The following PNKD variants were observed in gnomAD, a reference collection of about 807,000 sequenced individuals.
The protein encoded by PNKD is PNKD metallo-beta-lactamase domain containing, also known as probable thioesterase PNKD.
In PNKD, 36 loss-of-function variants were observed where a neutral mutation model predicts 45.3. The observed-to-expected ratio is 0.80, with a 90% CI of 0.61 to 1.05. The LOEUF (loss-of-function observed/expected upper bound fraction) is 1.05. PNKD is among the 50% of genes least tolerant of loss of function. PNKD has a pLI of 0.00. For missense variants in PNKD, 511 were observed against 506.6 expected (o/e 1.01, Z -0.08); for synonymous variants, 197 against 210.1 (o/e 0.94, Z 0.54).
At chr2:218,276,201 G>T in intron 2 of PNKD, 1 of 1,028,050 alleles carries the variant, frequency 9.7e-7, no homozygotes, top group Non-Finnish European at 1.5e-6. Context: ...AGCTCTCCAT[G>T]AAAGGCTACT....
intron 2 of PNKD, among the ~76,000 whole-genome samples, chr2:218,303,526 C>G (rs927229477): frequency 6.6e-6 from 1 of 151,414 alleles, no homozygotes; most frequent in African/African-American, 2.4e-5. Flanking sequence ...CACCAGCCCC[C>G]ACCCTGAGGT....
intron 2 of PNKD, among the ~76,000 whole-genome samples, chr2:218,312,118 A>G (rs1416098421): frequency 6.6e-6 from 1 of 152,268 alleles, no homozygotes; most frequent in Admixed American, 6.5e-5. Context: ...ACAGGTTAAC[A>G]GCGTCTCAAA....
chr2:218,287,678 C>A (rs1692630554), intron 2 of PNKD, among the ~76,000 whole-genome samples: 2 of 152,118 alleles, frequency 1.3e-5, no homozygotes. Flanking sequence ...CCATTGCACT[C>A]CAGCCTGGGC....
At position 218,273,479 on chromosome 2, in the gene PNKD, A is replaced by AT. The variant is rs10562640; in HGVS notation, c.236+1948dup. Among the ~76,000 whole-genome samples the AT allele has an allele frequency of 3.6e-3, 346 of 96,822 alleles. 1 individual carries two copies. The highest frequency in any genetic ancestry group is 0.013 in the African/African-American group (308 of 22,838). 63.5% of individuals were successfully genotyped at this position (96,822 alleles called of 152,430 possible). On this transcript the variant is annotated intron_variant, in intron 2 of 9. Transcript: ENST00000273077. The stretch of plus-strand genomic sequence containing the variant: ...TTTTTTTTTGGATTTTTTTTTACTT[A>AT]TTTTTTTTTTTTTTTTTTGAGACAG...
chr2:218,335,600 A>G (rs959308423), intron 2 of PNKD, among the ~76,000 whole-genome samples: 4 of 41,264 alleles, frequency 9.7e-5, no homozygotes, highest in African/African-American at 1.9e-4. Flanking sequence ...TTCAGTAAAT[A>G]TTGTTGAAGA....
chr2:218,270,560 G>A lies in PNKD; in HGVS notation c.25G>A (p.Ala9Thr). 8.2e-7 allele frequency: 1 copy of A among 1,225,546 alleles called. No individual in the cohort carries two copies. The highest frequency in any genetic ancestry group is 1.1e-6 in the Non-Finnish European group (1 of 949,402). The allele number at this position is 1,225,546 out of a possible 1,614,324, so 75.9% of individuals were successfully genotyped here. ...CATGGCGGCGGTGGTAGCTGCTACG[G>A]CGCTGAAGGGCCGGGGGGCGAGAAA... The part of the protein sequence containing the change: MAAVVAAT[A>T]LKGRGARNAR... The change falls in exon 1 of 10, where the codon GCG becomes ACG. Residue 9 changes from alanine to threonine, a missense_variant. By Grantham distance (58) the Ala-to-Thr change is moderately conservative (BLOSUM62 0). Coordinates refer to ENST00000273077, the MANE Select transcript of PNKD (RefSeq NM_015488.5).
intron 2 of PNKD, chr2:218,276,198 C>T: frequency 9.4e-7 from 1 of 1,065,984 alleles, no homozygotes; most frequent in South Asian, 1.4e-5. Context: ...GCTAGCTCTC[C>T]ATGAAAGGCT....
intron 2 of PNKD, among the ~76,000 whole-genome samples, chr2:218,312,334 G>A (rs1693638436): frequency 6.6e-6 from 1 of 152,110 alleles, no homozygotes; most frequent in African/African-American, 2.4e-5. Flanking sequence ...ATAAATATTT[G>A]CTATTACTAT....
intron 2 of PNKD, among the ~76,000 whole-genome samples, chr2:218,325,000 T>TC (rs1694105465): frequency 5.5e-5 from 2 of 36,166 alleles, no homozygotes; most frequent in Non-Finnish European, 1.8e-4. Flanking sequence ...TAATTTTCTT[T>TC]TTTTTTTTTT....
intron 2 of PNKD, among the ~76,000 whole-genome samples, chr2:218,333,509 G>A (rs1261825622): frequency 6.6e-6 from 1 of 152,220 alleles, no homozygotes; most frequent in African/African-American, 2.4e-5. Flanking sequence ...CACTTGCCAG[G>A]CTCTCGGCTG....
At chr2:218,313,899 A>C (rs375525579) in intron 2 of PNKD, among the ~76,000 whole-genome samples, 10 of 95,308 alleles carry the variant, frequency 1.0e-4, no homozygotes, top group African/African-American at 1.8e-4. Flanking sequence ...CATTTTCTTT[A>C]TTTCTTTTTT....
chr2:218,308,867 G>A (rs1474574352), intron 2 of PNKD, among the ~76,000 whole-genome samples: 1 of 152,034 alleles, frequency 6.6e-6, no homozygotes, highest in Non-Finnish European at 1.5e-5. Flanking sequence ...TTACAGGAGT[G>A]AGCCACCGTG....
Position 218,342,656 on chromosome 2 carries a change from C to T in PNKD, c.781+512C>T, listed in dbSNP as rs557746432. ...TAGAGGTTGCAGCGAGCTGAGATCG[C>T]GCCACTGCACTCCAACCTGGAAGAC... On this transcript the variant is annotated intron_variant, in intron 7 of 9. Coordinates refer to ENST00000273077, the MANE Select transcript of PNKD (RefSeq NM_015488.5). 9.2e-5 allele frequency among the ~76,000 whole-genome samples: 14 copies of T among 151,954 alleles called. No individual in the cohort carries two copies. In the South Asian group the frequency reaches 1.0e-3, roughly 11 times the overall value.
intron 2 of PNKD, among the ~76,000 whole-genome samples, chr2:218,316,076 G>A (rs142715249): frequency 1.2e-3 from 185 of 152,158 alleles, no homozygotes; most frequent in Non-Finnish European, 2.3e-3. Context: ...AATATACCTC[G>A]CCTCCATTGA....
At chr2:218,317,490 G>T (rs1693847074) in intron 2 of PNKD, among the ~76,000 whole-genome samples, 1 of 152,212 alleles carries the variant, frequency 6.6e-6, no homozygotes, top group Non-Finnish European at 1.5e-5. Context: ...GATGAGGAGG[G>T]GTGGAAAGAA....
At chr2:218,272,550 G>A in intron 2 of PNKD, 1 of 1,612,908 alleles carries the variant, frequency 6.2e-7, no homozygotes, top group Non-Finnish European at 8.5e-7. Context: ...CAAACCCCGT[G>A]CACATCTCCC....
At chr2:218,338,582 C>T (rs1359255996) in intron 2 of PNKD, among the ~76,000 whole-genome samples, 1 of 151,704 alleles carries the variant, frequency 6.6e-6, no homozygotes, top group African/African-American at 2.4e-5. Flanking sequence ...GCCTAGACAA[C>T]AAACTGAGAC....
chr2:218,280,792 T>A (rs1574641009), intron 2 of PNKD: 1 of 151,020 alleles, frequency 6.6e-6, no homozygotes, highest in Non-Finnish European at 1.5e-5. Flanking sequence ...GCACTCTAAC[T>A]TCACCTCATT....
chr2:218,279,066 T>C (rs776849578), intron 2 of PNKD: 1 of 1,614,098 alleles, frequency 6.2e-7, no homozygotes, highest in Admixed American at 1.7e-5. Flanking sequence ...GCCACATTTC[T>C]CCTCACAAAG....
Sources: gnomAD v4.1 joint callset for allele counts (sites outside exome capture counted in the v4.1 genomes callset) on GRCh38, gnomAD v4.1.1 for gene constraint, MANE v1.5 for transcripts, NCBI Gene and HGNC (gene_info 2026-07-23, HGNC 2026-07-21) for gene names.